The following ZNF519 variants were observed in gnomAD, a reference collection of about 807,000 sequenced individuals.
The protein encoded by ZNF519 is zinc finger protein 519, also known as similar to Zinc finger protein 85 (Zinc finger protein HPF4) (HTF1).
ZNF519 carries 7 observed loss-of-function variants against 7.4 expected under a neutral mutation model. The ratio of observed to expected loss-of-function variants is 0.94; its 90% CI spans 0.54 to 1.77. The LOEUF is 1.77. Ranked by LOEUF, ZNF519 falls within the 40% of genes most tolerant of loss-of-function variation. The pLI, the probability that ZNF519 is intolerant of heterozygous loss-of-function variation, is 0.00. For synonymous variants in ZNF519, 179 were observed against 203.3 expected (o/e 0.88, Z 1.02); for missense variants, 586 against 623.1 (o/e 0.94, Z 0.63).
intron 3 of ZNF519, among the ~76,000 whole-genome samples, chr18:14,079,803 A>G (rs2046063196): frequency 6.6e-6 from 1 of 152,218 alleles, no homozygotes; most frequent in African/African-American, 2.4e-5. Flanking sequence ...TAAAATTCCT[A>G]AAAGATAGCA....
intron 2 of ZNF519, among the ~76,000 whole-genome samples, chr18:14,087,069 T>C (rs77283048): frequency 0.012 from 1,771 of 152,244 alleles, 15 homozygotes; most frequent in Middle Eastern, 0.034. Flanking sequence ...CCCAGAAATA[T>C]AAAGATGGTT....
intron 1 of ZNF519, among the ~76,000 whole-genome samples, chr18:14,126,793 C>G (rs1040629918): frequency 2.1e-4 from 32 of 152,210 alleles, no homozygotes; most frequent in Non-Finnish European, 3.7e-4. Context: ...TGAACCATTT[C>G]TCTTCCTCTA....
At chr18:14,085,875 G>A (rs1366358027) in intron 2 of ZNF519, among the ~76,000 whole-genome samples, 2 of 152,206 alleles carry the variant, frequency 1.3e-5, no homozygotes, top group Non-Finnish European at 2.9e-5. Flanking sequence ...ACAGTCTCAT[G>A]TTCTGACCTG....
At chr18:14,076,994 T>C (rs554883715) in exon 5 of ZNF519, 19 of 152,194 alleles carry the variant, frequency 1.2e-4, no homozygotes, top group African/African-American at 4.1e-4. Context: ...TTACACACTA[T>C]CGAAGGCATG....
In ZNF519 at chr18:14,103,435, C is replaced by T. The variant is rs1288170870; in HGVS notation, c.*1482G>A. 6.6e-6 allele frequency: 1 copy of T among 151,932 alleles called. No homozygotes were observed. Among genetic ancestry groups the T allele is most frequent in the Non-Finnish European group, 1.5e-5 (1 of 67,952 alleles). The allele number at this position is 151,932 out of a possible 1,614,324, so 9.4% of individuals were successfully genotyped here. A position where few individuals can be genotyped will look rare whatever the true frequency, so the allele number is the denominator to read the frequency against. ...CACAAATATATGGAAATTAAAAATA[C>T]TCCTAATTAATGTGTTAAAGAAAAA... On this transcript the variant is annotated 3_prime_UTR_variant, in exon 3 of 3. Transcript: ENST00000590202.
downstream of ZNF519, chr18:14,074,552 T>G (rs1201393291): frequency 6.5e-6 from 1 of 152,944 alleles, no homozygotes; most frequent in East Asian, 1.9e-4. Flanking sequence ...ATACCCTAAA[T>G]CATCTCTCTC....
At position 14,132,221 on chromosome 18, in the gene ZNF519, C is replaced by G. The variant is rs567131991; in HGVS notation, c.3+54G>C. Reference sequence around the variant, plus strand: ...AGGTCCCGTCACCGCCATGTCCAGCCGGTTCCAAGGAGCCCCCTCCCCAGT... The same window carrying G: ...AGGTCCCGTCACCGCCATGTCCAGCGGGTTCCAAGGAGCCCCCTCCCCAGT... On this transcript the variant is annotated intron_variant, in intron 1 of 2. Transcript: ENST00000590202. 186 of 1,608,492 alleles carry G rather than the reference C, an allele frequency of 1.2e-4. No homozygotes were observed. In the East Asian group the frequency reaches 3.9e-3, roughly 34 times the overall value.
chr18:14,125,715 G>C (rs1023750038), intron 1 of ZNF519, among the ~76,000 whole-genome samples: 1 of 151,484 alleles, frequency 6.6e-6, no homozygotes, highest in Non-Finnish European at 1.5e-5. Context: ...ACTGAGTTTC[G>C]CTCTTATTGC....
downstream of ZNF519, among the ~76,000 whole-genome samples, chr18:14,098,724 C>T (rs2046147665): frequency 1.3e-5 from 2 of 152,318 alleles, no homozygotes; most frequent in East Asian, 3.9e-4. Flanking sequence ...TCCTGGTTCA[C>T]AAGGTTCACA....
At chr18:14,097,005 A>G (rs1205909170), downstream of ZNF519, among the ~76,000 whole-genome samples, 1 of 152,116 alleles carries the variant, frequency 6.6e-6, no homozygotes, top group Non-Finnish European at 1.5e-5. Context: ...CTGCTTATAT[A>G]CGAGTTGAGT....
At position 14,105,874 on chromosome 18, in the gene ZNF519, T is replaced by C; in HGVS notation, c.666A>G (p.Ser222=). ...NECGETSDPF[S]KLTQHQRIYI... Reference sequence around the variant, plus strand: ...AAATTCTTTGATGTTGAGTAAGCTTTGAGAATGGGTCAGAAGTTTCACCAC... The same window carrying C: ...AAATTCTTTGATGTTGAGTAAGCTTCGAGAATGGGTCAGAAGTTTCACCAC... The change falls in exon 3 of 3, where the codon TCA becomes TCG. Residue 222 remains serine, a synonymous_variant. Coordinates refer to ENST00000590202, the MANE Select transcript of ZNF519 (RefSeq NM_145287.4). The C allele has an allele frequency of 6.2e-7, 1 of 1,603,860 alleles. No individual in the cohort carries two copies. Among genetic ancestry groups the C allele is most frequent in the Non-Finnish European group, 8.5e-7 (1 of 1,177,462 alleles).
intron 1 of ZNF519, among the ~76,000 whole-genome samples, chr18:14,129,491 C>T (rs1321326792): frequency 6.6e-6 from 1 of 152,040 alleles, no homozygotes; most frequent in Non-Finnish European, 1.5e-5. Context: ...TAGGAGGAGA[C>T]CTGGAATTAC....
chr18:14,126,932 T>A (rs1171102171), intron 1 of ZNF519, among the ~76,000 whole-genome samples: 1 of 152,192 alleles, frequency 6.6e-6, no homozygotes, highest in Non-Finnish European at 1.5e-5. Flanking sequence ...GCCTCCATAA[T>A]GATCCTGAGA....
chr18:14,079,652 A>G (rs1054378248), intron 3 of ZNF519, among the ~76,000 whole-genome samples: 3 of 152,218 alleles, frequency 2.0e-5, no homozygotes, highest in Non-Finnish European at 4.4e-5. Flanking sequence ...AGGTAATAAA[A>G]TGTAGCTAAG....
downstream of ZNF519, among the ~76,000 whole-genome samples, chr18:14,099,505 C>G (rs2046150728): frequency 6.6e-6 from 1 of 152,082 alleles, no homozygotes; most frequent in African/African-American, 2.4e-5. Flanking sequence ...AAAATATTAA[C>G]ATTCAAATTA....
intron 2 of ZNF519, among the ~76,000 whole-genome samples, chr18:14,093,858 C>T (rs2046123776): frequency 3.9e-5 from 6 of 152,178 alleles, no homozygotes; most frequent in Admixed American, 3.9e-4. Context: ...GAGTAGGTTA[C>T]AATCTGTTTA....
chr18:14,105,399 A>G lies in ZNF519; in HGVS notation c.1141T>C (p.Cys381Arg), dbSNP rs759248537. Reference protein sequence around the residue: ...TGEKPFRCKECGKAFNRSSYV... With the variant: ...TGEKPFRCKERGKAFNRSSYV... ...GAGCTTCTATTAAAGGCTTTGCCAC[A>G]TTCCTTACATCTGAAAGGTTTCTCT... is the stretch of plus-strand genomic sequence containing the variant. Residue 381 changes from cysteine (C) to arginine (R), a missense_variant, in exon 3 of 3, where the codon TGT becomes CGT. Physicochemically the swap from Cys to Arg is radical, Grantham distance 180 (BLOSUM62 -3). Coordinates refer to ENST00000590202, the MANE Select transcript of ZNF519 (RefSeq NM_145287.4). The G allele has an allele frequency of 1.9e-6, 3 of 1,613,850 alleles. No individual in the cohort carries two copies. Among genetic ancestry groups the G allele is most frequent in the Admixed American group, 3.3e-5 (2 of 59,988 alleles).
At position 14,132,309 on chromosome 18, in the gene ZNF519, G is replaced by A; in HGVS notation, c.-32C>T. On this transcript the variant is annotated 5_prime_UTR_variant, in exon 1 of 3. Transcript: ENST00000590202. ...GCTTCAGGGGTGTCCTGGAGTCTTA[G>A]CTATAAATCATTCAATGCCAGCAGG... The A allele has an allele frequency of 2.5e-6, 4 of 1,613,334 alleles. No homozygotes were observed. The highest frequency in any genetic ancestry group is 3.4e-6 in the Non-Finnish European group (4 of 1,179,398).
intron 2 of ZNF519, among the ~76,000 whole-genome samples, chr18:14,087,473 T>C (rs892925254): frequency 1.3e-5 from 2 of 152,184 alleles, no homozygotes; most frequent in African/African-American, 4.8e-5. Flanking sequence ...GTGTACACTC[T>C]AAAAACCATG....
Sources: allele counts gnomAD v4.1 joint callset (sites outside exome capture counted in the v4.1 genomes callset), GRCh38; gene constraint gnomAD v4.1.1; transcripts MANE v1.5; gene names NCBI Gene and HGNC (gene_info 2026-07-23, HGNC 2026-07-21).